The following ARMC9 variants were observed in gnomAD, a reference collection of about 807,000 sequenced individuals.
The protein encoded by ARMC9 is lisH domain-containing protein ARMC9.
A neutral mutation model predicts 107.0 loss-of-function variants in ARMC9; 94 were observed. The observed-to-expected ratio is 0.88, with a 90% CI of 0.74 to 1.04. ARMC9 has a LOEUF of 1.04. Ranked by LOEUF, ARMC9 falls within the 50% of genes least tolerant of loss-of-function variation. The pLI is 0.00. For missense variants in ARMC9, 942 were observed against 1,030.1 expected (o/e 0.91, Z 1.17); for synonymous variants, 380 against 396.9 (o/e 0.96, Z 0.51).
intron 18 of ARMC9, chr2:231,294,894 G>A (rs1037104326): frequency 1.3e-5 from 2 of 152,210 alleles, no homozygotes; most frequent in Admixed American, 6.6e-5. Context: ...ACAGTGCTGC[G>A]ACCCGTGGGG....
chr2:231,245,518 A>G (rs916955751), intron 9 of ARMC9, among the ~76,000 whole-genome samples: 4 of 152,216 alleles, frequency 2.6e-5, no homozygotes, highest in Non-Finnish European at 5.9e-5. Flanking sequence ...TATGTTAGCT[A>G]GAAAGTATAC....
intron 3 of ARMC9, among the ~76,000 whole-genome samples, chr2:231,208,581 T>C (rs1217502112): frequency 1.3e-5 from 2 of 152,122 alleles, no homozygotes; most frequent in Non-Finnish European, 2.9e-5. Flanking sequence ...GATCCAGCAG[T>C]GAACAAACAA....
Position 231,216,666 on chromosome 2 carries a change from C to T in ARMC9, c.377C>T (p.Ser126Phe). ...AAAGAGGAGCTGGATGAAAAGATTT[C>T]CTACTTCAAAACCTACCTGGAGACC... ...PDKEELDEKI[S>F]YFKTYLETKG... Residue 126 changes from serine (S) to phenylalanine (F), a missense_variant, in exon 5 of 25, where the codon TCC (serine) becomes TTC (phenylalanine). Ser to Phe is a radical substitution (Grantham distance 155). Coordinates refer to ENST00000611582, the MANE Select transcript of ARMC9 (RefSeq NM_001352754.2). 1 of 1,613,764 alleles carries T rather than the reference C, an allele frequency of 6.2e-7. No homozygotes were observed. The highest frequency in any genetic ancestry group is 8.5e-7 in the Non-Finnish European group (1 of 1,179,830).
intron 22 of ARMC9, among the ~76,000 whole-genome samples, chr2:231,359,247 C>T (rs1383514404): frequency 1.3e-5 from 2 of 152,000 alleles, no homozygotes; most frequent in Non-Finnish European, 2.9e-5. Context: ...TTACCATACC[C>T]GGCTAATTTT....
rs1574743546 is a variant in ARMC9 at position 231,240,153 on chromosome 2, C to G, written c.879+112C>G. On this transcript the variant is annotated intron_variant, in intron 9 of 24. Coordinates refer to ENST00000611582, the MANE Select transcript of ARMC9 (RefSeq NM_001352754.2). The stretch of plus-strand genomic sequence containing the variant: ...TAACATGCAAGAGGCTGCATTTAAG[C>G]TGGCTTTTGAAGTCTAGAAACTCCT... The G allele has an allele frequency of 4.2e-6, 4 of 956,440 alleles. No individual in the cohort carries two copies. In the African/African-American group the frequency reaches 6.6e-5, roughly 16 times the overall value. 59.2% of individuals were successfully genotyped at this position (956,440 alleles called of 1,614,324 possible). A position where few individuals can be genotyped will look rare whatever the true frequency, so the allele number is the denominator to read the frequency against.
At chr2:231,306,469 T>C in intron 19 of ARMC9, among the ~76,000 whole-genome samples, 1 of 152,178 alleles carries the variant, frequency 6.6e-6, no homozygotes, top group East Asian at 1.9e-4. Flanking sequence ...TAGAACAGTA[T>C]AATGGCCAAA....
At chr2:231,232,485 C>G (rs1178116983) in intron 7 of ARMC9, among the ~76,000 whole-genome samples, 2 of 148,252 alleles carry the variant, frequency 1.3e-5, no homozygotes. Context: ...GAGTTTCGCT[C>G]TTGTTGCCCT....
chr2:231,355,211 C>T (rs543625171), intron 21 of ARMC9, among the ~76,000 whole-genome samples: 2 of 152,182 alleles, frequency 1.3e-5, no homozygotes, highest in African/African-American at 4.8e-5. Flanking sequence ...TGGAGGCGCC[C>T]ATCTGTAGTC....
At chr2:231,223,891 A>G (rs1480458466) in intron 6 of ARMC9, among the ~76,000 whole-genome samples, 1 of 152,172 alleles carries the variant, frequency 6.6e-6, no homozygotes, top group African/African-American at 2.4e-5. Context: ...TCCTTCCTAG[A>G]GTTCCATATA....
At chr2:231,218,757 G>GTT (rs201588911) in intron 5 of ARMC9, among the ~76,000 whole-genome samples, 44 of 144,978 alleles carry the variant, frequency 3.0e-4, no homozygotes, top group African/African-American at 1.0e-3. Context: ...TCAGTCTTTT[G>GTT]TTTTTTTTTT....
rs1219602871 is a variant in ARMC9, at chr2:231,376,766, C to T, written c.*5231C>T. On this transcript the variant is annotated 3_prime_UTR_variant, in exon 25 of 25. Coordinates refer to ENST00000611582, the MANE Select transcript of ARMC9 (RefSeq NM_001352754.2). ...CCCTTTTGAAAATCCCTAATAAAAA[C>T]TTGCTGGTTTTTGTGGCTTGTGGGG... Among the ~76,000 whole-genome samples the T allele has an allele frequency of 4.6e-5, 7 of 152,122 alleles. No homozygotes were observed. The highest frequency in any genetic ancestry group is 1.7e-4 in the African/African-American group (7 of 41,418).
At chr2:231,342,706 T>A (rs1645809039) in intron 20 of ARMC9, among the ~76,000 whole-genome samples, 2 of 152,178 alleles carry the variant, frequency 1.3e-5, no homozygotes, top group African/African-American at 4.8e-5. Flanking sequence ...CAGACAGCAG[T>A]GTTAAGTGGT....
chr2:231,312,533 C>A (rs1164328358), intron 19 of ARMC9, among the ~76,000 whole-genome samples: 2 of 151,790 alleles, frequency 1.3e-5, no homozygotes, highest in African/African-American at 4.8e-5. Context: ...CAGGGAGATT[C>A]TTCTCCGAAC....
chr2:231,272,193 T>G (rs1266419822), intron 13 of ARMC9, among the ~76,000 whole-genome samples: 2 of 144,828 alleles, frequency 1.4e-5, no homozygotes, highest in Admixed American at 6.8e-5. Context: ...TTTGGTTTTT[T>G]TTTTTTTTTT....
At position 231,370,087 on chromosome 2, in the gene ARMC9, G is replaced by A. The variant is rs982692227; in HGVS notation, c.2396G>A (p.Arg799His). 1.8e-5 allele frequency: 27 copies of A among 1,533,916 alleles called. No homozygotes were observed. Among genetic ancestry groups the A allele is most frequent in the East Asian group, 1.2e-4 (5 of 40,788 alleles). The change falls in exon 24 of 25, where the codon CGC becomes CAC. Residue 799 changes from arginine to histidine, a missense_variant. By Grantham distance (29) the Arg-to-His change is conservative. Coordinates refer to ENST00000611582, the MANE Select transcript of ARMC9 (RefSeq NM_001352754.2). Reference protein sequence around the residue: ...FSSCGPQQASRPGSTASSTRG... With the variant: ...FSSCGPQQASHPGSTASSTRG... ...TCGTGTGGCCCCCAGCAGGCCAGCC[G>A]CCCCGGCTCCACAGCGTCCTCCACA...
At chr2:231,295,835 CA>C (rs1314217579) in intron 18 of ARMC9, 1 of 161,882 alleles carries the variant, frequency 6.2e-6, no homozygotes, top group African/African-American at 2.4e-5. Context: ...GGATAATAGT[CA>C]ACAACATATT....
chr2:231,317,528 T>G (rs1051247699), intron 19 of ARMC9, among the ~76,000 whole-genome samples: 5 of 138,272 alleles, frequency 3.6e-5, no homozygotes, highest in East Asian at 2.2e-4. Flanking sequence ...TGTTTTGGGG[T>G]TTTTTTTTTT....
At chr2:231,225,084 T>C (rs937981171) in intron 6 of ARMC9, among the ~76,000 whole-genome samples, 42 of 152,232 alleles carry the variant, frequency 2.8e-4, no homozygotes, top group African/African-American at 9.4e-4. Flanking sequence ...ACTTTTTACT[T>C]CCTGATTATA....
At chr2:231,221,963 C>T (rs1223222533) in intron 5 of ARMC9, among the ~76,000 whole-genome samples, 1 of 151,508 alleles carries the variant, frequency 6.6e-6, no homozygotes, top group Non-Finnish European at 1.5e-5. Flanking sequence ...GAGGCAGAGA[C>T]AGTGGGGAAG....
Sources: allele counts gnomAD v4.1 joint callset (sites outside exome capture counted in the v4.1 genomes callset), GRCh38; gene constraint gnomAD v4.1.1; transcripts MANE v1.5; gene names NCBI Gene and HGNC (gene_info 2026-07-23, HGNC 2026-07-21).